BRCA1: variants seen among roughly 807,000 people sequenced by gnomAD.
BRCA1 encodes the protein breast cancer type 1 susceptibility protein.
BRCA1 carries 140 observed loss-of-function variants against 173.7 expected under a neutral mutation model. The observed-to-expected ratio is 0.81, with a 90% confidence interval of 0.70 to 0.93. BRCA1 has a LOEUF of 0.93. Among genes scored for constraint, BRCA1 ranks in the 40% least tolerant of loss-of-function variants. The pLI is 0.00. For synonymous variants in BRCA1, 662 were observed against 756.0 expected (o/e 0.88, Z 2.04); for missense variants, 1,983 against 2,172.5 (o/e 0.91, Z 1.73).
Position 43,100,620 on chromosome 17 carries a change from CATATAT to C in BRCA1, c.442-746_442-741del, listed in dbSNP as rs796230530. 2.5e-4 allele frequency among the ~76,000 whole-genome samples: 3 copies of C among 11,920 alleles called. 1 individual carries two copies. The highest frequency in any genetic ancestry group is 2.6e-3 in the Admixed American group (2 of 762). 7.8% of individuals were successfully genotyped at this position (11,920 alleles called of 152,430 possible). On this transcript the variant is annotated intron_variant, in intron 6 of 22. Transcript: ENST00000357654. ...TTATATATATATAACATATATATAA[CATATAT>C]ATATGTTATATATATATAACATATA...
intron 3 of BRCA1, among the ~76,000 whole-genome samples, chr17:43,109,863 G>T (rs2054959421): frequency 6.6e-6 from 1 of 151,716 alleles, no homozygotes; most frequent in African/African-American, 2.4e-5. Flanking sequence ...AGTGGAACTA[G>T]ATACGCAAAA....
intron 1 of BRCA1, among the ~76,000 whole-genome samples, chr17:43,139,109 C>T (rs549499919): frequency 2.6e-5 from 4 of 151,776 alleles, no homozygotes; most frequent in Admixed American, 1.3e-4. Context: ...TCTCTGCCCC[C>T]GGTTCCTAAC....
At chr17:43,114,056 T>C (rs1206748405) in intron 3 of BRCA1, among the ~76,000 whole-genome samples, 2 of 148,590 alleles carry the variant, frequency 1.3e-5, no homozygotes, top group Admixed American at 6.6e-5. Context: ...GCCTGGGCAA[T>C]AGAGTGAAAC....
intron 1 of BRCA1, among the ~76,000 whole-genome samples, chr17:43,149,324 C>T (rs1045732574): frequency 6.0e-5 from 9 of 149,566 alleles, no homozygotes; most frequent in South Asian, 2.1e-4. Context: ...ACCATGTTAG[C>T]GGGTGGACCT....
chr17:43,155,608 C>G (rs1255398061), intron 1 of BRCA1, among the ~76,000 whole-genome samples: 2 of 152,164 alleles, frequency 1.3e-5, no homozygotes, highest in African/African-American at 4.8e-5. Context: ...TCTTGGCTCA[C>G]TGCAACCTCT....
In BRCA1 at chr17:43,092,766, G is replaced by C. The variant is rs80357460; in HGVS notation, c.2765C>G (p.Thr922Arg). The C allele has an allele frequency of 2.5e-6, 4 of 1,613,908 alleles. No individual in the cohort carries two copies. Among genetic ancestry groups the C allele is most frequent in the Non-Finnish European group, 3.4e-6 (4 of 1,179,992 alleles). ...KNESNIKPVQ[T>R]VNITAGFPVV... ...AGGAAAGCCTGCAGTGATATTAACT[G>C]TCTGTACAGGCTTGATATTAGACTC... The change falls in exon 10 of 23, where the codon ACA becomes AGA. Residue 922 changes from threonine to arginine, a missense_variant. Coordinates refer to ENST00000357654, the MANE Select transcript of BRCA1 (RefSeq NM_007294.4).
rs786201581 is a variant in BRCA1 at position 43,091,843 on chromosome 17, A to C, written c.3688T>G (p.Leu1230Val). 1 of 1,614,170 alleles carries C rather than the reference A, an allele frequency of 6.2e-7. No individual in the cohort carries two copies. The highest frequency in any genetic ancestry group is 8.5e-7 in the Non-Finnish European group (1 of 1,180,038). Residue 1230 changes from leucine (L) to valine (V), a missense_variant, in exon 10 of 23, where the codon TTA (leucine) becomes GTA (valine). Transcript: ENST00000357654. ...GGTATATTGTTTACTTTACCAAATA[A>C]CAAGTGTTGGAAGCAGGGAAGCTCT... Reference protein sequence around the residue: ...DEELPCFQHLLFGKVNNIPSQ... With the variant: ...DEELPCFQHLVFGKVNNIPSQ...
In BRCA1 at chr17:43,092,170, T is replaced by C. The variant is rs876660526; in HGVS notation, c.3361A>G (p.Asn1121Asp). 1.9e-6 allele frequency: 3 copies of C among 1,613,390 alleles called. No homozygotes were observed. The highest frequency in any genetic ancestry group is 2.7e-5 in the African/African-American group (2 of 75,052). The change falls in exon 10 of 23, where the codon AAT (asparagine) becomes GAT (aspartate). Residue 1121 changes from asparagine (N) to aspartate (D), a missense_variant. Asn to Asp is a conservative substitution (Grantham distance 23). Coordinates refer to ENST00000357654, the MANE Select transcript of BRCA1 (RefSeq NM_007294.4). ...QEYEEVVQTV[N>D]TDFSPYLISD... is the part of the protein sequence containing the mutation. ...ATCAGATATGGAGAGAAATCTGTATTAACAGTCTGAACTACTTCTTCATAT... is the reference window on the plus strand; with the variant it reads ...ATCAGATATGGAGAGAAATCTGTATCAACAGTCTGAACTACTTCTTCATAT...
chr17:43,047,707 G>C lies in BRCA1; in HGVS notation c.5407-4C>G, dbSNP rs876660347. The C allele has an allele frequency of 8.1e-6, 13 of 1,614,110 alleles. No homozygotes were observed. Among genetic ancestry groups the C allele is most frequent in the Non-Finnish European group, 1.0e-5 (12 of 1,179,984 alleles). On this transcript the variant is annotated splice_region_variant and splice_polypyrimidine_tract_variant and intron_variant, in intron 21 of 22. Transcript: ENST00000357654. ...CAACCACAATTGGGTGGACACCCTG[G>C]ATCCCCAGGAAGGAAAGAGCATTCA...
upstream of BRCA1, among the ~76,000 whole-genome samples, chr17:43,127,011 G>T (rs769761849): frequency 1.3e-5 from 2 of 152,178 alleles, no homozygotes; most frequent in South Asian, 2.1e-4. Flanking sequence ...CTGCCGGCCC[G>T]CCTGCACCCC....
chr17:43,113,318 A>T (rs796751222), intron 3 of BRCA1, among the ~76,000 whole-genome samples: 32 of 150,472 alleles, frequency 2.1e-4, no homozygotes, highest in African/African-American at 7.8e-4. Flanking sequence ...TTCTAACACA[A>T]CTCCTATACA....
At chr17:43,059,671 T>C (rs1279569406) in intron 18 of BRCA1, among the ~76,000 whole-genome samples, 1 of 152,148 alleles carries the variant, frequency 6.6e-6, no homozygotes, top group Non-Finnish European at 1.5e-5. Context: ...TCAATTTCTC[T>C]TTACCTTATC....
At chr17:43,100,770 T>C (rs1273358521) in intron 6 of BRCA1, among the ~76,000 whole-genome samples, 1 of 130,070 alleles carries the variant, frequency 7.7e-6, no homozygotes, top group Non-Finnish European at 1.6e-5. Context: ...TCTTGCTCTG[T>C]TGCCAGGCTA....
intron 3 of BRCA1, among the ~76,000 whole-genome samples, chr17:43,113,329 C>A (rs2055124370): frequency 6.6e-6 from 1 of 152,060 alleles, no homozygotes; most frequent in Non-Finnish European, 1.5e-5. Flanking sequence ...CTCCTATACA[C>A]ATATGCAAAG....
At chr17:43,132,547 C>T (rs1169635478) in intron 1 of BRCA1, 2 of 152,078 alleles carry the variant, frequency 1.3e-5, no homozygotes, top group Non-Finnish European at 2.9e-5. Context: ...CGCCCCCGCC[C>T]AAGTTACTTA....
At chr17:43,138,190 G>C in intron 1 of BRCA1, 1 of 180,656 alleles carries the variant, frequency 5.5e-6, no homozygotes. Flanking sequence ...ATCTCAAAAG[G>C]AAAAAAAAGC....
rs778988967 is a variant in BRCA1, at chr17:43,045,618, A to G, written c.*60T>C. ...TGAGAGGAGCTCCCAGGGCCTGGAA[A>G]GGCCACTTTGTAAGCTCATTCTTGG... On this transcript the variant is annotated 3_prime_UTR_variant, in exon 23 of 23. Coordinates refer to ENST00000357654, the MANE Select transcript of BRCA1 (RefSeq NM_007294.4). The G allele has an allele frequency of 6.2e-7, 1 of 1,611,768 alleles. No homozygotes were observed. The highest frequency in any genetic ancestry group is 2.2e-5 in the East Asian group (1 of 44,860).
At chr17:43,048,037 C>A (rs933391801) in intron 21 of BRCA1, among the ~76,000 whole-genome samples, 1 of 151,972 alleles carries the variant, frequency 6.6e-6, no homozygotes, top group African/African-American at 2.4e-5. Flanking sequence ...TAGGCATGAG[C>A]CACCGCACCC....
chr17:43,142,962 GTGTGTATATATA>G (rs71160016), intron 1 of BRCA1, among the ~76,000 whole-genome samples: 42,494 of 145,542 alleles, frequency 0.29, 6,664 homozygotes, highest in South Asian at 0.44. Flanking sequence ...GTGTGTGTGT[GTGTGTATATATA>G]TGTGTGTATA....
Sources: gnomAD v4.1 joint callset for allele counts (sites outside exome capture counted in the v4.1 genomes callset) on GRCh38, gnomAD v4.1.1 for gene constraint, MANE v1.5 for transcripts, NCBI Gene and HGNC (gene_info 2026-07-23, HGNC 2026-07-21) for gene names.